The following ABCC9 variants were observed in gnomAD, a reference collection of about 807,000 sequenced individuals.
ABCC9 encodes the protein ATP-binding cassette sub-family C member 9.
A neutral mutation model predicts 188.3 loss-of-function variants in ABCC9; 95 were observed. The ratio of observed to expected loss-of-function variants is 0.50; its 90% confidence interval spans 0.43 to 0.60. The LOEUF is 0.60. Among genes scored for constraint, ABCC9 ranks in the 20% least tolerant of loss-of-function variants. The pLI is 0.00. For missense variants in ABCC9, 1,102 were observed against 1,876.3 expected (o/e 0.59, Z 7.62); for synonymous variants, 659 against 652.7 (o/e 1.01, Z -0.15).
At chr12:21,830,191 A>T (rs1943678072) in intron 30 of ABCC9, among the ~76,000 whole-genome samples, 1 of 152,256 alleles carries the variant, frequency 6.6e-6, no homozygotes, top group Non-Finnish European at 1.5e-5. Context: ...CCATTTAAAC[A>T]TCTGAGCCAA....
At chr12:21,812,618 A>G (rs1293447304) in intron 35 of ABCC9, among the ~76,000 whole-genome samples, 2 of 152,142 alleles carry the variant, frequency 1.3e-5, no homozygotes, top group Non-Finnish European at 2.9e-5. Context: ...CAAATACTGC[A>G]TGTTCTCACT....
At chr12:21,827,622 G>GT (rs1352759102) in intron 31 of ABCC9, among the ~76,000 whole-genome samples, 1 of 151,346 alleles carries the variant, frequency 6.6e-6, no homozygotes, top group African/African-American at 2.4e-5. Flanking sequence ...ATTATGGTTT[G>GT]TATAGGGTTT....
chr12:21,916,746 T>G (rs889868485), intron 6 of ABCC9, among the ~76,000 whole-genome samples, 191 bp downstream of exon 6: 2 of 152,190 alleles, frequency 1.3e-5, no homozygotes, highest in African/African-American at 4.8e-5. Flanking sequence ...AATAAATAGT[T>G]TCTAGGGTCA....
In ABCC9 at chr12:21,798,599, C is replaced by G. The variant is rs1267984227; in HGVS notation, c.*2445G>C. On this transcript the variant is annotated 3_prime_UTR_variant, in exon 40 of 40. Transcript: ENST00000261200. ...GATGAGTAGGTTGCGAAAATTTTCT[C>G]CCATGTTGTAGGTTGCCTGTTCACT... 3 of 151,062 alleles carry G rather than the reference C, an allele frequency of 2.0e-5. No individual in the cohort carries two copies. The highest frequency in any genetic ancestry group is 2.1e-4 in the South Asian group (1 of 4,780). The allele number at this position is 151,062 out of a possible 1,614,324, so 9.4% of individuals were successfully genotyped here. A position where few individuals can be genotyped will look rare whatever the true frequency, so the allele number is the denominator to read the frequency against.
At chr12:21,867,093 GA>G (rs1022451110) in intron 18 of ABCC9, among the ~76,000 whole-genome samples, 4 of 151,506 alleles carry the variant, frequency 2.6e-5, no homozygotes, top group Non-Finnish European at 5.9e-5. Flanking sequence ...TTCAGAGAAA[GA>G]AAAAAAGAGG....
Position 21,910,404 on chromosome 12 carries a change from T to C in ABCC9, c.1165-92A>G, listed in dbSNP as rs113262083. On this transcript the variant is annotated intron_variant, in intron 9 of 39. Coordinates refer to ENST00000261200, the MANE Select transcript of ABCC9 (RefSeq NM_020297.4). The stretch of plus-strand genomic sequence containing the variant: ...CTGAAAATAAATAACAAACATTTAA[T>C]TTTTTTGAGAAAAAAGAAAAGAAAA... 4.0e-5 allele frequency: 52 copies of C among 1,297,492 alleles called. No individual in the cohort carries two copies. In the African/African-American group the frequency reaches 5.0e-4, roughly 12 times the overall value. The allele number at this position is 1,297,492 out of a possible 1,614,324, so 80.4% of individuals were successfully genotyped here.
At chr12:21,829,144 C>A in intron 30 of ABCC9, 84 bp from the exon 31 acceptor site, 1 of 672,338 alleles carries the variant, frequency 1.5e-6, no homozygotes, top group Non-Finnish European at 2.6e-6. Flanking sequence ...ACTATTTACT[C>A]AACACAGTGA....
intron 14 of ABCC9, among the ~76,000 whole-genome samples, chr12:21,889,506 A>T (rs1947043837): frequency 6.6e-6 from 1 of 152,198 alleles, no homozygotes; most frequent in South Asian, 2.1e-4. Flanking sequence ...GCACAAAAAA[A>T]CAAAGTGGAG....
rs1309462200 is a variant in ABCC9 at position 21,915,336 on chromosome 12, TAG to T, written c.816+330_816+331del. ...TAATGTGTATATATGTGTGTATATATAGACATGTGTATGTATATATAATGTGT... is the reference window on the plus strand; with the variant it reads ...TAATGTGTATATATGTGTGTATATATACATGTGTATGTATATATAATGTGT... On this transcript the variant is annotated intron_variant, in intron 7 of 39. Transcript: ENST00000261200. Among the ~76,000 whole-genome samples, 138 of 139,476 alleles carry T rather than the reference TAG, an allele frequency of 9.9e-4. 1 individual carries two copies. Among genetic ancestry groups the T allele is most frequent in the African/African-American group, 3.3e-3 (124 of 37,778 alleles). The allele number at this position is 139,476 out of a possible 152,430, so 91.5% of individuals were successfully genotyped here.
intron 30 of ABCC9, among the ~76,000 whole-genome samples, chr12:21,837,575 C>G (rs1236662517): frequency 4.6e-5 from 7 of 152,102 alleles, no homozygotes; most frequent in Non-Finnish European, 1.0e-4. Context: ...TAGGTTATTA[C>G]TCTGTTTACA....
intron 4 of ABCC9, among the ~76,000 whole-genome samples, chr12:21,926,633 G>A (rs1356370): frequency 0.63 from 95,927 of 152,088 alleles, 30,557 homozygotes; most frequent in East Asian, 0.79. Context: ...GACAGTGTGA[G>A]AACATAGAGT....
At chr12:21,819,316 C>T (rs570509947) in intron 31 of ABCC9, among the ~76,000 whole-genome samples, 9 of 152,140 alleles carry the variant, frequency 5.9e-5, no homozygotes, top group African/African-American at 2.2e-4. Flanking sequence ...GTCTCTGGTG[C>T]CTCAAAAAAA....
intron 12 of ABCC9, among the ~76,000 whole-genome samples, chr12:21,905,252 C>T (rs569412308): frequency 1.1e-4 from 17 of 151,972 alleles, no homozygotes; most frequent in South Asian, 6.2e-4. Context: ...CATCACACAC[C>T]GGGGCCTGTC....
At chr12:21,806,277 A>C (rs549988478) in intron 38 of ABCC9, among the ~76,000 whole-genome samples, 1 of 152,184 alleles carries the variant, frequency 6.6e-6, no homozygotes, top group Admixed American at 6.6e-5. Context: ...GTGATCAGCC[A>C]GAAGTGGGTG....
At chr12:21,858,509 G>C (rs1945341325) in intron 22 of ABCC9, among the ~76,000 whole-genome samples, 1 of 151,848 alleles carries the variant, frequency 6.6e-6, no homozygotes, top group Non-Finnish European at 1.5e-5. Context: ...AACTTGGGAG[G>C]TGGAGGTTGC....
At chr12:21,882,705 C>T in intron 16 of ABCC9, 61 bp downstream of exon 16, 2 of 1,429,846 alleles carry the variant, frequency 1.4e-6, no homozygotes, top group Non-Finnish European at 9.9e-7. Flanking sequence ...CACAGAACTT[C>T]ACCATAAAAT....
At chr12:21,806,678 C>T (rs567154618) in intron 38 of ABCC9, among the ~76,000 whole-genome samples, 1 of 152,220 alleles carries the variant, frequency 6.6e-6, no homozygotes, top group South Asian at 2.1e-4. Context: ...GTTATAATAA[C>T]CCTCAATGTG....
At chr12:21,939,604 G>T (rs1949618759) in intron 2 of ABCC9, among the ~76,000 whole-genome samples, 1 of 152,138 alleles carries the variant, frequency 6.6e-6, no homozygotes, top group African/African-American at 2.4e-5. Flanking sequence ...TTCTGGAGCT[G>T]TTTAGATTCA....
At chr12:21,936,045 T>C (rs1403297774) in intron 3 of ABCC9, among the ~76,000 whole-genome samples, 2 of 152,130 alleles carry the variant, frequency 1.3e-5, no homozygotes, top group Non-Finnish European at 1.5e-5. Flanking sequence ...TCCCCAGACA[T>C]GTCACTCACT....
Sources: gnomAD v4.1 joint callset for allele counts (sites outside exome capture counted in the v4.1 genomes callset) on GRCh38, gnomAD v4.1.1 for gene constraint, MANE v1.5 for transcripts, NCBI Gene and HGNC (gene_info 2026-07-23, HGNC 2026-07-21) for gene names.